The following GAS7 variants were observed in gnomAD, a reference collection of about 807,000 sequenced individuals.
The protein encoded by GAS7 is growth arrest specific 7, also known as growth arrest-specific protein 7.
A neutral mutation model predicts 71.1 loss-of-function variants in GAS7; 28 were observed. The observed-to-expected ratio is 0.39, with a 90% CI of 0.29 to 0.54. The LOEUF (loss-of-function observed/expected upper bound fraction) is 0.54, where lower values mean the gene tolerates loss of function less well. GAS7 is among the 20% of genes least tolerant of loss of function. The pLI is 0.62. For synonymous variants in GAS7, 258 were observed against 245.8 expected (o/e 1.05, Z -0.46); for missense variants, 436 against 627.8 (o/e 0.69, Z 3.27).
At chr17:10,041,056 G>T (rs2072855012) in intron 1 of GAS7, among the ~76,000 whole-genome samples, 1 of 151,948 alleles carries the variant, frequency 6.6e-6, no homozygotes, top group Non-Finnish European at 1.5e-5. Context: ...CAGCTACCAG[G>T]GAGGCTGAGA....
At chr17:10,077,014 T>G (rs2073401790) in intron 1 of GAS7, among the ~76,000 whole-genome samples, 1 of 152,230 alleles carries the variant, frequency 6.6e-6, no homozygotes, top group Non-Finnish European at 1.5e-5. Flanking sequence ...AGTTTATCAC[T>G]CTATCTAAAA....
intron 5 of GAS7, among the ~76,000 whole-genome samples, chr17:9,953,115 C>T (rs564528652): frequency 7.9e-5 from 12 of 151,664 alleles, no homozygotes; most frequent in African/African-American, 2.9e-4. Flanking sequence ...CAACGATATA[C>T]TAGATAAAGG....
chr17:10,033,965 G>A (rs567194369), intron 1 of GAS7: 1 of 190,756 alleles, frequency 5.2e-6, no homozygotes, highest in South Asian at 1.8e-4. Context: ...GTCTAATAAG[G>A]GCTGGAACCG....
At chr17:9,917,367 A>G (rs2067617414) in intron 13 of GAS7, 26 bp from the exon 14 acceptor site, 1 of 1,515,554 alleles carries the variant, frequency 6.6e-7, no homozygotes, top group African/African-American at 1.4e-5. Context: ...AAAATGCGAC[A>G]CTGTTAGAGA....
chr17:10,083,706 G>T (rs1158582358), intron 1 of GAS7, among the ~76,000 whole-genome samples: 1 of 152,228 alleles, frequency 6.6e-6, no homozygotes, highest in African/African-American at 2.4e-5. Context: ...CTACCTGAAG[G>T]CAGGAAAGTC....
rs547056838 is a variant in GAS7 at position 9,968,738 on chromosome 17, T to C, written c.471+939A>G. On this transcript the variant is annotated intron_variant, in intron 4 of 13. Transcript: ENST00000432992. ...ATTTTTCTTCCAGTCATTTTTTCCT[T>C]ATGTTAAGTATAGATTTCCTTCTTC... Among the ~76,000 whole-genome samples the C allele has an allele frequency of 3.3e-5, 5 of 152,354 alleles. No individual in the cohort carries two copies. The South Asian group carries it at 1.0e-3, about 32-fold the overall frequency.
intron 1 of GAS7, among the ~76,000 whole-genome samples, chr17:10,038,190 TC>T (rs2072792150): frequency 2.0e-5 from 3 of 152,180 alleles, no homozygotes; most frequent in Admixed American, 2.0e-4. Context: ...ATACCCCGTC[TC>T]TACTAAAAAT....
chr17:9,958,077 AT>A (rs2069322334), intron 5 of GAS7, among the ~76,000 whole-genome samples: 1 of 152,050 alleles, frequency 6.6e-6, no homozygotes, highest in South Asian at 2.1e-4. Context: ...TCCCTACACC[AT>A]CCCTAAGGCA....
Position 9,916,537 on chromosome 17 carries a change from C to A in GAS7, c.*691G>T, listed in dbSNP as rs1391408272. ...CCAGAGGAGACTTTACAGATGGCGC[C>A]TGATCTCATGGGACACGATTCAGCG... On this transcript the variant is annotated 3_prime_UTR_variant, in exon 14 of 14. Coordinates refer to ENST00000432992, the MANE Select transcript of GAS7 (RefSeq NM_201433.2). The A allele has an allele frequency of 1.3e-4, 30 of 238,768 alleles. No individual in the cohort carries two copies. In the Admixed American group the frequency reaches 1.7e-3, roughly 13 times the overall value. 14.8% of individuals were successfully genotyped at this position (238,768 alleles called of 1,614,324 possible).
chr17:9,919,123 A>C lies in GAS7; in HGVS notation c.1218+503T>G, dbSNP rs1255539555. On this transcript the variant is annotated intron_variant, in intron 12 of 13. Transcript: ENST00000432992. This position sits in a 1 kb window ranked among gnomAD's most constrained non-coding sequence, Gnocchi z 5.0. ...GATAAGGAGATGCTGCCCCTTTACAAGAAATACTCAAGAGCATCATCGGCC... is the reference window on the plus strand; with the variant it reads ...GATAAGGAGATGCTGCCCCTTTACACGAAATACTCAAGAGCATCATCGGCC... 2.0e-5 allele frequency among the ~76,000 whole-genome samples: 3 copies of C among 152,152 alleles called. No individual in the cohort carries two copies. The highest frequency in any genetic ancestry group is 4.8e-5 in the African/African-American group (2 of 41,436).
chr17:9,967,159 AC>A (rs2069750694), intron 4 of GAS7, among the ~76,000 whole-genome samples: 1 of 135,012 alleles, frequency 7.4e-6, no homozygotes, highest in African/African-American at 2.8e-5. Context: ...CCATACTGGT[AC>A]CTACTTTGTA....
chr17:10,170,545 C>G (rs997803554), intron 1 of GAS7, among the ~76,000 whole-genome samples: 1 of 152,206 alleles, frequency 6.6e-6, no homozygotes, highest in Non-Finnish European at 1.5e-5. Flanking sequence ...GCACAGATGC[C>G]CTCTCCTAAT....
chr17:10,057,179 C>T (rs962878371), intron 1 of GAS7, among the ~76,000 whole-genome samples: 2 of 152,230 alleles, frequency 1.3e-5, no homozygotes, highest in Non-Finnish European at 2.9e-5. Context: ...CTTGGCCTCC[C>T]AAAGTGCCCA....
chr17:10,056,486 C>T (rs1263609754), intron 1 of GAS7, among the ~76,000 whole-genome samples: 1 of 151,652 alleles, frequency 6.6e-6, no homozygotes, highest in African/African-American at 2.4e-5. Context: ...CAGAGTGAGA[C>T]TCTGACTCTG....
chr17:10,008,125 C>T (rs958636665), intron 2 of GAS7, among the ~76,000 whole-genome samples: 4 of 152,178 alleles, frequency 2.6e-5, no homozygotes, highest in Non-Finnish European at 5.9e-5. Context: ...TTTGTTTATC[C>T]ATTCATCAGT....
At chr17:9,988,526 A>G (rs949404635) in intron 2 of GAS7, among the ~76,000 whole-genome samples, 10 of 152,096 alleles carry the variant, frequency 6.6e-5, no homozygotes, top group African/African-American at 1.9e-4. Context: ...TGGTTTTTCA[A>G]TGCCTTCCAG....
intron 1 of GAS7, among the ~76,000 whole-genome samples, chr17:10,102,475 G>C (rs62066666): frequency 6.6e-6 from 1 of 152,000 alleles, no homozygotes; most frequent in African/African-American, 2.4e-5. Flanking sequence ...ACTACGCAAG[G>C]TTGGGCAGCT....
intron 1 of GAS7, among the ~76,000 whole-genome samples, chr17:10,064,215 G>A (rs2073254930): frequency 6.6e-6 from 1 of 152,188 alleles, no homozygotes; most frequent in Admixed American, 6.5e-5. Context: ...GACACGCAGG[G>A]ACTGTGAGTC....
At chr17:10,093,573 A>G (rs1024181933) in intron 1 of GAS7, among the ~76,000 whole-genome samples, 1 of 150,686 alleles carries the variant, frequency 6.6e-6, no homozygotes, top group Non-Finnish European at 1.5e-5. Context: ...AAAAAAAAAA[A>G]GCTGAAAAGC....
Sources: gnomAD v4.1 joint callset for allele counts (sites outside exome capture counted in the v4.1 genomes callset) on GRCh38, gnomAD v4.1.1 for gene constraint, Gnocchi (gnomAD v3.1) non-coding constraint, MANE v1.5 for transcripts, NCBI Gene and HGNC (gene_info 2026-07-23, HGNC 2026-07-21) for gene names.